SENP1: variants seen among roughly 807,000 people sequenced by gnomAD.
SENP1 encodes SUMO specific peptidase 1.
A neutral mutation model predicts 93.0 loss-of-function variants in SENP1; 21 were observed. The observed-to-expected ratio is 0.23, with a 90% CI of 0.16 to 0.33. The LOEUF is 0.33. Ranked by LOEUF, SENP1 falls within the 10% of genes least tolerant of loss-of-function variation. The pLI is 1.00. For missense variants in SENP1, 591 were observed against 758.7 expected (o/e 0.78, Z 2.60); for synonymous variants, 256 against 259.6 (o/e 0.99, Z 0.13).
At chr12:48,063,181 C>A (rs1317043199) in intron 13 of SENP1, among the ~76,000 whole-genome samples, 2 of 152,054 alleles carry the variant, frequency 1.3e-5, no homozygotes, top group African/African-American at 4.8e-5. Context: ...TCCCCCAATA[C>A]CTCAAATATT....
At chr12:48,077,312 C>T (rs537669214) in intron 6 of SENP1, among the ~76,000 whole-genome samples, 6 of 152,266 alleles carry the variant, frequency 3.9e-5, no homozygotes, top group African/African-American at 1.4e-4. Context: ...TTGCCTATGA[C>T]TTTGCGTGCA....
intron 1 of SENP1, chr12:48,105,076 AGAT>A (rs1474791563): frequency 1.6e-5 from 3 of 190,300 alleles, no homozygotes; most frequent in Non-Finnish European, 3.4e-5. Context: ...AAGATTTAGG[AGAT>A]GATGAGATCT....
chr12:48,105,308 A>T (rs1946421868), intron 1 of SENP1: 11 of 506,980 alleles, frequency 2.2e-5, no homozygotes, highest in South Asian at 1.4e-4. Flanking sequence ...GCACCGATAA[A>T]CAGAAATCAC....
intron 5 of SENP1, chr12:48,085,446 AGCCCT>A: frequency 1.8e-5 from 14 of 780,270 alleles, no homozygotes; most frequent in Non-Finnish European, 2.6e-5. Context: ...GACTCCTCAC[AGCCCT>A]CAGCCCTTCC....
intron 6 of SENP1, among the ~76,000 whole-genome samples, chr12:48,077,747 G>A (rs977032158): frequency 2.7e-5 from 4 of 149,736 alleles, no homozygotes; most frequent in African/African-American, 2.5e-5. Flanking sequence ...CCCACCCCAC[G>A]ACAGGCATAA....
chr12:48,046,661 A>C (rs1027355609), intron 16 of SENP1, among the ~76,000 whole-genome samples: 3 of 152,146 alleles, frequency 2.0e-5, no homozygotes, highest in Non-Finnish European at 4.4e-5. Flanking sequence ...AAACAGGAGA[A>C]TATCTCCGAC....
intron 13 of SENP1, among the ~76,000 whole-genome samples, chr12:48,061,974 A>G (rs1400778668): frequency 6.6e-6 from 1 of 152,144 alleles, no homozygotes; most frequent in Non-Finnish European, 1.5e-5. Flanking sequence ...TAGACAAAGA[A>G]TCTTTCCTTC....
chr12:48,105,124 CTCAG>C (rs1946399912), intron 1 of SENP1: 6 of 221,472 alleles, frequency 2.7e-5, no homozygotes, highest in Admixed American at 5.0e-5. Flanking sequence ...AACAAAGACC[CTCAG>C]TCAAATAGTT....
At chr12:48,073,185 A>C (rs191015309) in intron 8 of SENP1, among the ~76,000 whole-genome samples, 11 of 152,332 alleles carry the variant, frequency 7.2e-5, no homozygotes, top group African/African-American at 2.6e-4. Context: ...AAAGTAATTA[A>C]ACAGTGCAAT....
intron 2 of SENP1, among the ~76,000 whole-genome samples, chr12:48,100,326 A>T (rs893525893): frequency 6.6e-6 from 1 of 152,220 alleles, no homozygotes; most frequent in Non-Finnish European, 1.5e-5. Context: ...AGTATAACAT[A>T]GTACTAAGGA....
At chr12:48,100,862 C>A (rs1945879508) in intron 2 of SENP1, among the ~76,000 whole-genome samples, 1 of 152,048 alleles carries the variant, frequency 6.6e-6, no homozygotes, top group Non-Finnish European at 1.5e-5. Flanking sequence ...TTAAATGAAC[C>A]AATATATTTT....
chr12:48,056,180 T>C, intron 13 of SENP1, among the ~76,000 whole-genome samples: 1 of 99,616 alleles, frequency 1.0e-5, no homozygotes, highest in East Asian at 3.5e-4. Context: ...ATTTTATATA[T>C]ATTATTTAAT....
chr12:48,066,494 A>T (rs1364494030), intron 10 of SENP1, among the ~76,000 whole-genome samples: 1 of 152,126 alleles, frequency 6.6e-6, no homozygotes, highest in Non-Finnish European at 1.5e-5. Flanking sequence ...CCAACAACTT[A>T]AAAGTATAAA....
intron 1 of SENP1, chr12:48,105,466 A>C (rs766541657): frequency 5.8e-6 from 3 of 519,076 alleles, no homozygotes; most frequent in Non-Finnish European, 1.2e-5. Flanking sequence ...CCTGAGCAGG[A>C]GGGTCCAGAC....
At chr12:48,086,029 AAGC>A (rs1201350942) in intron 5 of SENP1, among the ~76,000 whole-genome samples, 3 of 152,244 alleles carry the variant, frequency 2.0e-5, no homozygotes, top group African/African-American at 7.2e-5. Context: ...AAACAGACAG[AAGC>A]AAGCTTAAAG....
intron 13 of SENP1, among the ~76,000 whole-genome samples, chr12:48,057,312 C>A (rs900042870): frequency 6.8e-6 from 1 of 147,574 alleles, no homozygotes; most frequent in Admixed American, 6.9e-5. Context: ...TCACTGCAAC[C>A]TCCACCTCCC....
intron 10 of SENP1, 116 bp from the exon 11 acceptor site, chr12:48,065,796 C>A: frequency 1.6e-6 from 1 of 633,498 alleles, no homozygotes. Context: ...AAAATCCTTA[C>A]ACTAACTTAT....
chr12:48,081,935 C>A (rs772068085), intron 6 of SENP1, among the ~76,000 whole-genome samples: 1 of 151,952 alleles, frequency 6.6e-6, no homozygotes, highest in African/African-American at 2.4e-5. Flanking sequence ...GTCACCCAGG[C>A]TGGAGTGCAG....
chr12:48,064,746 G>A (rs60761335), intron 12 of SENP1, among the ~76,000 whole-genome samples: 25,449 of 151,958 alleles, frequency 0.17, 2,477 homozygotes, highest in East Asian at 0.28. Context: ...GCATGATCTC[G>A]GCTCACTGCA....
Sources: allele counts gnomAD v4.1 joint callset (sites outside exome capture counted in the v4.1 genomes callset), GRCh38; gene constraint gnomAD v4.1.1; transcripts MANE v1.5; gene names NCBI Gene and HGNC (gene_info 2026-07-23, HGNC 2026-07-21).